RGPD2: variants seen among roughly 807,000 people sequenced by gnomAD.
RGPD2 encodes the protein RANBP2 like and GRIP domain containing 2.
A neutral mutation model predicts 36.0 loss-of-function variants in RGPD2; 2 were observed. The observed-to-expected ratio is 0.06, with a 90% CI of 0.02 to 0.17. The LOEUF is 0.17. Among genes scored for constraint, RGPD2 ranks in the 10% least tolerant of loss-of-function variants. The pLI, the probability that RGPD2 is intolerant of heterozygous loss-of-function variation, is 1.00. For synonymous variants in RGPD2, 19 were observed against 163.8 expected (o/e 0.12, Z 6.75); for missense variants, 40 against 464.3 (o/e 0.09, Z 8.40).
At chr2:87,763,219 A>G (rs947983753) in intron 22 of RGPD2, among the ~76,000 whole-genome samples, 11 of 136,858 alleles carry the variant, frequency 8.0e-5, no homozygotes, top group Non-Finnish European at 1.1e-4. Flanking sequence ...GTGCAGTGGC[A>G]CGATCTCAGC....
the RGPD2 span, among the ~76,000 whole-genome samples, chr2:87,977,637 ACT>A: frequency 1.4e-5 from 2 of 147,680 alleles, no homozygotes; most frequent in South Asian, 2.1e-4. Context: ...ATACAGCGAG[ACT>A]CTATTTCTTT....
the RGPD2 span, among the ~76,000 whole-genome samples, chr2:87,939,409 G>A: frequency 2.6e-5 from 4 of 152,010 alleles, no homozygotes; most frequent in African/African-American, 9.7e-5. Context: ...TTTCTGAAGT[G>A]TCTTATTGTT....
chr2:87,961,529 C>G, the RGPD2 span, among the ~76,000 whole-genome samples: 3 of 151,738 alleles, frequency 2.0e-5, no homozygotes, highest in African/African-American at 7.3e-5. Flanking sequence ...GGCGAAAGCC[C>G]ATCTCTACTA....
the RGPD2 span, among the ~76,000 whole-genome samples, chr2:87,920,361 TC>T: frequency 6.6e-6 from 1 of 151,838 alleles, no homozygotes; most frequent in Non-Finnish European, 1.5e-5. Context: ...CCACTGACTA[TC>T]TTTTTAAGTT....
chr2:87,885,552 A>G, the RGPD2 span, among the ~76,000 whole-genome samples: 1 of 151,046 alleles, frequency 6.6e-6, no homozygotes, highest in African/African-American at 2.4e-5. Flanking sequence ...AAGAGGATGA[A>G]GTAAAATTAT....
the RGPD2 span, among the ~76,000 whole-genome samples, chr2:87,893,515 A>T: frequency 8.2e-5 from 11 of 134,110 alleles, no homozygotes; most frequent in Admixed American, 2.8e-4. Context: ...TAAAGCTTAT[A>T]AGGGGCTTTC....
chr2:87,973,501 G>T, the RGPD2 span, among the ~76,000 whole-genome samples: 2 of 134,520 alleles, frequency 1.5e-5, no homozygotes, highest in African/African-American at 2.7e-5. Context: ...AGGGTGGATG[G>T]GTTACTTGCC....
the RGPD2 span, among the ~76,000 whole-genome samples, chr2:87,856,997 G>A: frequency 6.6e-6 from 1 of 152,260 alleles, no homozygotes; most frequent in African/African-American, 2.4e-5. Context: ...CAAACTAATG[G>A]CTCTTTTTGC....
the RGPD2 span, among the ~76,000 whole-genome samples, chr2:87,970,024 A>G: frequency 6.6e-6 from 1 of 151,800 alleles, no homozygotes; most frequent in African/African-American, 2.4e-5. Context: ...TTCAGTTGTC[A>G]TACCAGTATT....
chr2:87,940,851 T>C, the RGPD2 span, among the ~76,000 whole-genome samples: 4 of 151,588 alleles, frequency 2.6e-5, no homozygotes, highest in South Asian at 2.1e-4. Context: ...ACTATGAAAC[T>C]GATACGTTTA....
the RGPD2 span, among the ~76,000 whole-genome samples, chr2:87,858,456 G>A: frequency 6.6e-6 from 1 of 151,122 alleles, no homozygotes; most frequent in African/African-American, 2.4e-5. Flanking sequence ...TTTGGAGAGA[G>A]AGTCTCACTC....
At chr2:87,940,344 T>A in the RGPD2 span, among the ~76,000 whole-genome samples, 118,561 of 149,852 alleles carry the variant, frequency 0.79, 47,185 homozygotes, top group East Asian at 0.88. Flanking sequence ...AGCAAAGTTC[T>A]TTGCTAGAAA....
intron 1 of RGPD2, among the ~76,000 whole-genome samples, chr2:87,825,373 G>GGCCGCCGCC (rs1170265171): frequency 7.4e-6 from 1 of 135,758 alleles, no homozygotes; most frequent in Non-Finnish European, 1.6e-5. Flanking sequence ...CCTACGCCGA[G>GGCCGCCGCC]GCCGCCGCCG....
the RGPD2 span, among the ~76,000 whole-genome samples, chr2:87,902,137 T>G: frequency 1.3e-5 from 2 of 151,564 alleles, no homozygotes; most frequent in African/African-American, 4.8e-5. Context: ...TTTACAATTT[T>G]TATTTCATTA....
chr2:87,825,130 A>G (rs1412362392), intron 1 of RGPD2: 1 of 390,874 alleles, frequency 2.6e-6, no homozygotes, highest in Non-Finnish European at 4.5e-6. Context: ...CGCTTCATTC[A>G]TTGCCCCCAC....
At chr2:87,829,708 TC>T (rs1353275056), upstream of RGPD2, among the ~76,000 whole-genome samples, 1 of 151,740 alleles carries the variant, frequency 6.6e-6, no homozygotes, top group Non-Finnish European at 1.5e-5. Context: ...AAAAACCCGC[TC>T]CCATGATTCA....
the RGPD2 span, among the ~76,000 whole-genome samples, chr2:87,962,585 G>C: frequency 4.2e-4 from 64 of 151,552 alleles, 1 homozygote; most frequent in Middle Eastern, 3.4e-3. Context: ...TTAGGTAGTT[G>C]ATTTCTTTCA....
intron 22 of RGPD2, among the ~76,000 whole-genome samples, chr2:87,760,839 G>A (rs1023784119): frequency 1.4e-5 from 2 of 140,326 alleles, no homozygotes; most frequent in African/African-American, 2.6e-5. Context: ...GGATGGTCTC[G>A]ATCTCCTGAC....
chr2:87,853,388 AT>A, the RGPD2 span, among the ~76,000 whole-genome samples: 3 of 152,010 alleles, frequency 2.0e-5, no homozygotes, highest in South Asian at 4.2e-4. Context: ...ACCCCTGGCA[AT>A]TTTTTTTAAA....
Sources: gnomAD v4.1 joint callset for allele counts (sites outside exome capture counted in the v4.1 genomes callset) on GRCh38, gnomAD v4.1.1 for gene constraint, MANE v1.5 for transcripts, NCBI Gene and HGNC (gene_info 2026-07-23, HGNC 2026-07-21) for gene names.